Variants in VXN observed in about 807,000 individuals in gnomAD.
VXN encodes the protein uncharacterized protein C8orf46.
VXN carries 7 observed loss-of-function variants against 23.1 expected under a neutral mutation model. That is an observed-to-expected ratio of 0.30 (90% confidence interval 0.17 to 0.57). VXN has a LOEUF of 0.57. VXN is among the 20% of genes least tolerant of loss of function. VXN has a pLI of 0.91. For missense variants in VXN, 238 were observed against 272.6 expected (o/e 0.87, Z 0.89); for synonymous variants, 120 against 105.8 (o/e 1.13, Z -0.83).
chr8:66,504,220 G>T lies in VXN; in HGVS notation c.127-1155G>T, dbSNP rs569356695. On this transcript the variant is annotated intron_variant, in intron 2 of 5. Transcript: ENST00000305454. ...AACATTTGTCTCCCTTTCAGAGAAGGAAATATTGGAAGGCAGCGGCAGTCT... is the reference window on the plus strand; with the variant it reads ...AACATTTGTCTCCCTTTCAGAGAAGTAAATATTGGAAGGCAGCGGCAGTCT... 1.8e-3 allele frequency among the ~76,000 whole-genome samples: 273 copies of T among 152,274 alleles called. 1 individual carries two copies. The highest frequency in any genetic ancestry group is 6.3e-3 in the African/African-American group (263 of 41,556).
chr8:66,512,152 T>C (rs1807831717), intron 4 of VXN, among the ~76,000 whole-genome samples: 1 of 151,628 alleles, frequency 6.6e-6, no homozygotes, highest in Non-Finnish European at 1.5e-5. Context: ...GGCTAGGGTC[T>C]CACAGCTTAT....
rs1232743660 is a variant in VXN, at chr8:66,516,399, A to G, written c.*323A>G. 1 of 183,582 alleles carries G rather than the reference A, an allele frequency of 5.4e-6. No individual in the cohort carries two copies. The highest frequency in any genetic ancestry group is 6.1e-5 in the Admixed American group (1 of 16,416). The allele number at this position is 183,582 out of a possible 1,614,324, so 11.4% of individuals were successfully genotyped here. The stretch of plus-strand genomic sequence containing the variant: ...AAGACCTCCAAGGAAGGAAAAAAGC[A>G]ATTCCTCTGTCTTCCTTGTGAGTTG... On this transcript the variant is annotated 3_prime_UTR_variant, in exon 6 of 6. Transcript: ENST00000305454.
At chr8:66,494,775 A>T (rs1238362894) in intron 1 of VXN, 1 of 152,166 alleles carries the variant, frequency 6.6e-6, no homozygotes, top group Non-Finnish European at 1.5e-5. Flanking sequence ...GACCCTCGGA[A>T]TCAGCAGTTT....
chr8:66,518,326 A>G lies in VXN; in HGVS notation c.*2250A>G, dbSNP rs554164629. Reference sequence around the variant, plus strand: ...CCACCACACCTAGCTCCTTACAACCATTTATTTTAACTTATTTCATTTATA... The same window carrying G: ...CCACCACACCTAGCTCCTTACAACCGTTTATTTTAACTTATTTCATTTATA... On this transcript the variant is annotated 3_prime_UTR_variant, in exon 6 of 6. Coordinates refer to ENST00000305454, the MANE Select transcript of VXN (RefSeq NM_152765.4). The G allele has an allele frequency of 6.6e-6, 1 of 152,304 alleles. No homozygotes were observed. The highest frequency in any genetic ancestry group is 6.5e-5 in the Admixed American group (1 of 15,294). The allele number at this position is 152,304 out of a possible 1,614,324, so 9.4% of individuals were successfully genotyped here. A position where few individuals can be genotyped will look rare whatever the true frequency, so the allele number is the denominator to read the frequency against.
chr8:66,507,070 A>G (rs1807768262), intron 3 of VXN, among the ~76,000 whole-genome samples: 1 of 152,222 alleles, frequency 6.6e-6, no homozygotes. Context: ...GCAGATTCAA[A>G]TTTAGTAGGA....
At chr8:66,495,400 TG>T (rs933315494) in intron 1 of VXN, among the ~76,000 whole-genome samples, 2 of 152,252 alleles carry the variant, frequency 1.3e-5, no homozygotes, top group Non-Finnish European at 2.9e-5. Context: ...TTAACCTCTC[TG>T]GGCCTGAGTT....
At chr8:66,499,461 G>A (rs1475390879) in intron 2 of VXN, among the ~76,000 whole-genome samples, 1 of 151,812 alleles carries the variant, frequency 6.6e-6, no homozygotes, top group Non-Finnish European at 1.5e-5. Flanking sequence ...TCAAACTCTT[G>A]GACTCAAGTG....
intron 2 of VXN, chr8:66,503,514 A>G (rs1157148524): frequency 6.6e-6 from 1 of 152,156 alleles, no homozygotes; most frequent in East Asian, 1.9e-4. Flanking sequence ...TGACCTCTCT[A>G]TGACCAGCAA....
rs373798815 is a variant in VXN, at chr8:66,516,841, T to C, written c.*765T>C. 1.3e-5 allele frequency: 2 copies of C among 152,226 alleles called. No homozygotes were observed. The highest frequency in any genetic ancestry group is 1.3e-4 in the Admixed American group (2 of 15,284). The allele number at this position is 152,226 out of a possible 1,614,324, so 9.4% of individuals were successfully genotyped here. ...GAAGAAAGCACAATTATTCCCAATC[T>C]GCAGAGGGGGAAATGGAGGCCTTCA... On this transcript the variant is annotated 3_prime_UTR_variant, in exon 6 of 6. Coordinates refer to ENST00000305454, the MANE Select transcript of VXN (RefSeq NM_152765.4).
chr8:66,515,877 C>A lies in VXN; in HGVS notation c.441-16C>A. 6.4e-7 allele frequency: 1 copy of A among 1,558,660 alleles called. No individual in the cohort carries two copies. Among genetic ancestry groups the A allele is most frequent in the Non-Finnish European group, 8.7e-7 (1 of 1,152,812 alleles). ...GAGCAGACCACCCTCCCCACCCACT[C>A]CTGGCTTTTCTTTAGATCCAGACAT... is the stretch of plus-strand genomic sequence containing the variant. On this transcript the variant is annotated splice_polypyrimidine_tract_variant and intron_variant, in intron 5 of 5. Coordinates refer to ENST00000305454, the MANE Select transcript of VXN (RefSeq NM_152765.4).
chr8:66,496,620 G>A (rs1216623480), intron 2 of VXN, 128 bp downstream of exon 2: 2 of 816,802 alleles, frequency 2.4e-6, no homozygotes, highest in Admixed American at 2.1e-5. Flanking sequence ...TGTGGTGCGT[G>A]CTGCACTCTC....
At chr8:66,504,445 T>C (rs891608399) in intron 2 of VXN, among the ~76,000 whole-genome samples, 28 of 143,794 alleles carry the variant, frequency 1.9e-4, no homozygotes, top group Admixed American at 1.9e-3. Context: ...GTCCTGCCTA[T>C]GTATAAACAT....
chr8:66,508,855 C>T (rs541035246), intron 3 of VXN, among the ~76,000 whole-genome samples: 143 of 152,220 alleles, frequency 9.4e-4, no homozygotes, highest in African/African-American at 3.1e-3. Flanking sequence ...ATTAGCCGGG[C>T]GTGGTGGTGT....
At chr8:66,515,187 C>A (rs979047368) in intron 5 of VXN, among the ~76,000 whole-genome samples, 1 of 152,218 alleles carries the variant, frequency 6.6e-6, no homozygotes, top group East Asian at 1.9e-4. Flanking sequence ...AGAGGCCAAC[C>A]TTTCAGTCCA....
chr8:66,507,102 A>G (rs1308408777), intron 3 of VXN, among the ~76,000 whole-genome samples: 1 of 152,210 alleles, frequency 6.6e-6, no homozygotes, highest in African/African-American at 2.4e-5. Flanking sequence ...CCAAGATTTT[A>G]TGTTTCTAAC....
In VXN at chr8:66,493,578, G is replaced by A. The variant is rs1440013306; in HGVS notation, c.-71G>A. 3 of 1,295,686 alleles carry A rather than the reference G, an allele frequency of 2.3e-6. No individual in the cohort carries two copies. In the African/African-American group the frequency reaches 4.4e-5, roughly 19 times the overall value. 80.3% of individuals were successfully genotyped at this position (1,295,686 alleles called of 1,614,324 possible). The stretch of plus-strand genomic sequence containing the variant: ...TGATCCCTGAGCCAGACTGGATTAG[G>A]ATGCCTCGCGACTAGGGGTCCAGAG... On this transcript the variant is annotated 5_prime_UTR_variant, in exon 1 of 6. Transcript: ENST00000305454.
At chr8:66,504,161 G>C (rs1563506931) in intron 2 of VXN, among the ~76,000 whole-genome samples, 3 of 152,160 alleles carry the variant, frequency 2.0e-5, no homozygotes, top group African/African-American at 7.2e-5. Context: ...GCAGAGAAGA[G>C]ATGGGGAGGT....
At chr8:66,497,441 A>C (rs1416009263) in intron 2 of VXN, among the ~76,000 whole-genome samples, 1 of 152,208 alleles carries the variant, frequency 6.6e-6, no homozygotes, top group African/African-American at 2.4e-5. Flanking sequence ...TTTACCACCA[A>C]CATCACCAGC....
At chr8:66,495,612 T>C (rs1352260836) in intron 1 of VXN, among the ~76,000 whole-genome samples, 2 of 152,234 alleles carry the variant, frequency 1.3e-5, no homozygotes, top group African/African-American at 2.4e-5. Flanking sequence ...AATCTTATCT[T>C]TTTTCCCTTC....
Sources: allele counts gnomAD v4.1 joint callset (sites outside exome capture counted in the v4.1 genomes callset), GRCh38; gene constraint gnomAD v4.1.1; transcripts MANE v1.5; gene names NCBI Gene and HGNC (gene_info 2026-07-23, HGNC 2026-07-21).